The following PIK3R2 variants were observed in gnomAD, a reference collection of about 807,000 sequenced individuals.
PIK3R2 encodes the protein phosphoinositide-3-kinase regulatory subunit 2.
A neutral mutation model predicts 78.5 loss-of-function variants in PIK3R2; 40 were observed. That is an observed-to-expected ratio of 0.51 (90% CI 0.40 to 0.66). The LOEUF is 0.66. Among genes scored for constraint, PIK3R2 ranks in the 30% least tolerant of loss-of-function variants. PIK3R2 has a pLI of 0.00. For missense variants in PIK3R2, 880 were observed against 1,026.6 expected, an observed-to-expected ratio of 0.86 and a Z score of 1.95; for synonymous variants, 473 against 457.7, an observed-to-expected ratio of 1.03 and a Z score of -0.43.
In PIK3R2 at chr19:18,162,054, G is replaced by T. The variant is rs2043754504; in HGVS notation, c.901+3G>T. The stretch of plus-strand genomic sequence containing the variant: ...AGAGCAGGAGGTTGCGCCCCCAGGT[G>T]AGTCCCCTGTATTGCTGTCATTTCT... On this transcript the variant is annotated splice_donor_region_variant and intron_variant, in intron 7 of 15. Transcript: ENST00000222254. 1 of 1,613,068 alleles carries T rather than the reference G, an allele frequency of 6.2e-7. No homozygotes were observed. The highest frequency in any genetic ancestry group is 1.3e-5 in the African/African-American group (1 of 74,922).
chr19:18,155,196 CAA>C (rs34249019), intron 1 of PIK3R2, among the ~76,000 whole-genome samples: 7 of 109,298 alleles, frequency 6.4e-5, no homozygotes, highest in Admixed American at 3.0e-4. Context: ...GACTCTATCT[CAA>C]AAAAAAAAAA....
At chr19:18,162,763 G>A in intron 9 of PIK3R2, 1 of 605,068 alleles carries the variant, frequency 1.7e-6, no homozygotes, top group East Asian at 2.8e-5. Flanking sequence ...GGTGATGGAT[G>A]CCTGTAATCC....
Position 18,161,186 on chromosome 19 carries a change from G to A in PIK3R2, c.598+1G>A, listed in dbSNP as rs1269675188. On this transcript the variant is annotated splice_donor_variant, in intron 5 of 15. Coordinates refer to ENST00000222254, the MANE Select transcript of PIK3R2 (RefSeq NM_005027.4). LOFTEE classifies it high-confidence loss of function. The surrounding 1 kb of genome is among the most constrained non-coding windows in gnomAD (Gnocchi z 5.3). ...GCCGAGGCGCGCCGGGCCCTGCGGG[G>A]TGAGCCTGGCGGGTAGCCCGGGGGA... 6.5e-7 allele frequency: 1 copy of A among 1,545,418 alleles called. No homozygotes were observed. Among genetic ancestry groups the A allele is most frequent in the Non-Finnish European group, 8.7e-7 (1 of 1,145,174 alleles).
In PIK3R2 at chr19:18,156,034, A is replaced by G. The variant is rs2147945015; in HGVS notation, c.155A>G (p.Gln52Arg). 2 of 1,560,940 alleles carry G rather than the reference A, an allele frequency of 1.3e-6. No homozygotes were observed. The highest frequency in any genetic ancestry group is 1.7e-6 in the Non-Finnish European group (2 of 1,153,084). Residue 52 changes from glutamine (Q) to arginine (R), a missense_variant, in exon 2 of 16, where the codon CAG becomes CGG. By Grantham distance (43) the Gln-to-Arg change is conservative. Transcript: ENST00000222254. This position sits in a 1 kb window ranked among gnomAD's most constrained non-coding sequence, Gnocchi z 4.2. Reference sequence around the variant, plus strand: ...GCCGAGGGTGGCGAGCGCTGCCCACAGAGCGTGGGCTGGATGCCCGGCCTC... The same window carrying G: ...GCCGAGGGTGGCGAGCGCTGCCCACGGAGCGTGGGCTGGATGCCCGGCCTC... Reference protein sequence around the residue: ...GVAEGGERCPQSVGWMPGLNE... With the variant: ...GVAEGGERCPRSVGWMPGLNE...
At chr19:18,154,295 C>T (rs2043654674) in intron 1 of PIK3R2, among the ~76,000 whole-genome samples, 1 of 152,086 alleles carries the variant, frequency 6.6e-6, no homozygotes, top group Non-Finnish European at 1.5e-5. Flanking sequence ...TAATCAATGC[C>T]CTGCTGCCGG....
In PIK3R2 at chr19:18,162,232, C is replaced by T. The variant is rs546337739; in HGVS notation, c.932C>T (p.Pro311Leu). The change falls in exon 8 of 16, where the codon CCG becomes CTG. Residue 311 changes from proline (P) to leucine (L), a missense_variant. By Grantham distance (98) the Pro-to-Leu change is moderately conservative (BLOSUM62 -3). Around this residue, in one of 3 missense-constraint regions of PIK3R2, gnomAD observed 456 missense variants for 486.6 expected, o/e 0.94. Transcript: ENST00000222254. ...CCGCCTAAACCCCCCAAGGCAAAGC[C>T]GGCCTCCACAGTCCTGGCCAATGGA... Reference protein sequence around the residue: ...ALPPKPPKAKPASTVLANGGS... With the variant: ...ALPPKPPKAKLASTVLANGGS... The T allele has an allele frequency of 4.4e-6, 7 of 1,602,086 alleles. No homozygotes were observed. The African/African-American group carries it at 5.3e-5, about 12-fold the overall frequency.
chr19:18,168,504 A>G lies in PIK3R2; in HGVS notation c.1766A>G (p.Lys589Arg). ...CTCACCCAGAAAGGCGCCCGGCAGA[A>G]GAAAATCAACGAGTGGCTGGGGATT... Reference protein sequence around the residue: ...VWLTQKGARQKKINEWLGIKN... With the variant: ...VWLTQKGARQRKINEWLGIKN... Residue 589 changes from lysine to arginine, a missense_variant, in exon 14 of 16, where the codon AAG (lysine) becomes AGG (arginine). By Grantham distance (26) the Lys-to-Arg change is conservative. Around this residue, in one of 3 missense-constraint regions of PIK3R2, gnomAD observed 268 missense variants for 299.1 expected, o/e 0.90. Transcript: ENST00000222254. This position sits in a 1 kb window ranked among gnomAD's most constrained non-coding sequence, Gnocchi z 4.1. 2 of 781,154 alleles carry G rather than the reference A, an allele frequency of 2.6e-6. No homozygotes were observed. The highest frequency in any genetic ancestry group is 4.8e-6 in the Non-Finnish European group (2 of 418,426). The allele number at this position is 781,154 out of a possible 1,614,324, so 48.4% of individuals were successfully genotyped here.
intron 2 of PIK3R2, among the ~76,000 whole-genome samples, chr19:18,157,763 T>C (rs1297865510): frequency 6.8e-6 from 1 of 147,802 alleles, no homozygotes; most frequent in African/African-American, 2.5e-5. Context: ...GCGTTTTCGT[T>C]GCAGCTGGGC....
chr19:18,154,098 C>T (rs1282095539), intron 1 of PIK3R2, among the ~76,000 whole-genome samples: 1 of 152,162 alleles, frequency 6.6e-6, no homozygotes, highest in Non-Finnish European at 1.5e-5. Context: ...TAACCCACTG[C>T]CAAGGCTTTG....
In PIK3R2 at chr19:18,163,267, A is replaced by G. The variant is rs752548768; in HGVS notation, c.1295A>G (p.Gln432Arg). Residue 432 changes from glutamine (Q) to arginine (R), a missense_variant, in exon 11 of 16, where the codon CAG becomes CGG. Gln to Arg is a conservative substitution (Grantham distance 43, BLOSUM62 1). Around this residue, in one of 3 missense-constraint regions of PIK3R2, gnomAD observed 156 missense variants for 241.0 expected, o/e 0.65. Transcript: ENST00000222254. ...CATTCCGCCACGTATCTCCAGGACC[A>G]GATTGTCAAGGAGGACAGCGTGGAG... is the stretch of plus-strand genomic sequence containing the variant. ...LYPVSKYQQD[Q>R]IVKEDSVEAV... is the part of the protein sequence containing the mutation. 6.2e-7 allele frequency: 1 copy of G among 1,614,160 alleles called. No individual in the cohort carries two copies. Among genetic ancestry groups the G allele is most frequent in the Non-Finnish European group, 8.5e-7 (1 of 1,180,024 alleles).
Position 18,162,193 on chromosome 19 carries a change from G to C in PIK3R2, c.902-9G>C. 2.7e-6 allele frequency: 4 copies of C among 1,505,300 alleles called. No homozygotes were observed. The South Asian group carries it at 3.4e-5, about 13-fold the overall frequency. The allele number at this position is 1,505,300 out of a possible 1,614,324, so 93.2% of individuals were successfully genotyped here. A position where few individuals can be genotyped will look rare whatever the true frequency, so the allele number is the denominator to read the frequency against. ...GTGCTCAGGATGCATTTGTTTTCCT[G>C]TCCCCCAGCGCTGCCGCCTAAACCC... On this transcript the variant is annotated splice_polypyrimidine_tract_variant and intron_variant, in intron 7 of 15. Transcript: ENST00000222254.
At chr19:18,154,296 C>T (rs946558565) in intron 1 of PIK3R2, among the ~76,000 whole-genome samples, 1 of 152,136 alleles carries the variant, frequency 6.6e-6, no homozygotes, top group South Asian at 2.1e-4. Flanking sequence ...AATCAATGCC[C>T]TGCTGCCGGC....
chr19:18,165,345 A>G (rs2043798189), intron 11 of PIK3R2, among the ~76,000 whole-genome samples: 1 of 137,762 alleles, frequency 7.3e-6, no homozygotes, highest in Non-Finnish European at 1.5e-5. Context: ...ATCCTGGGAC[A>G]GAGTGAGACT....
At chr19:18,154,971 T>C (rs1402326399) in intron 1 of PIK3R2, among the ~76,000 whole-genome samples, 1 of 151,562 alleles carries the variant, frequency 6.6e-6, no homozygotes, top group South Asian at 2.1e-4. Context: ...CCCAGCACTT[T>C]GGGAGGCCAA....
chr19:18,162,336 A>C, intron 8 of PIK3R2, 26 bp downstream of exon 8: 1 of 1,591,542 alleles, frequency 6.3e-7, no homozygotes, highest in Non-Finnish European at 8.6e-7. Flanking sequence ...GGGGCCAGGG[A>C]CCAAGGAGGT....
Position 18,169,240 on chromosome 19 carries a change from C to A in PIK3R2, c.2133C>A (p.Thr711=), listed in dbSNP as rs908334954. Residue 711 remains threonine, a synonymous_variant, in exon 16 of 16, where the codon ACC becomes ACA. Coordinates refer to ENST00000222254, the MANE Select transcript of PIK3R2 (RefSeq NM_005027.4). ...LVQHNDALTV[T]LAHPVRAPGP... ...AGCACAACGACGCGCTCACCGTCAC[C>A]CTGGCGCACCCAGTGCGCGCCCCGG... 3.8e-6 allele frequency: 6 copies of A among 1,587,506 alleles called. No individual in the cohort carries two copies. The South Asian group carries it at 6.7e-5, about 18-fold the overall frequency.
In PIK3R2 at chr19:18,161,162, C is replaced by T; in HGVS notation, c.575C>T (p.Ala192Val). The T allele has an allele frequency of 1.3e-6, 2 of 1,547,684 alleles. No individual in the cohort carries two copies. The highest frequency in any genetic ancestry group is 1.2e-5 in the South Asian group (1 of 83,996). ...PAPLVTPEAS[A>V]EARRALREAA... ...CCGCTCGTGACCCCCGAGGCCTCGGCCGAGGCGCGCCGGGCCCTGCGGGGT... is the reference window on the plus strand; with the variant it reads ...CCGCTCGTGACCCCCGAGGCCTCGGTCGAGGCGCGCCGGGCCCTGCGGGGT... Residue 192 changes from alanine (A) to valine (V), a missense_variant, in exon 5 of 16, where the codon GCC becomes GTC. Coordinates refer to ENST00000222254, the MANE Select transcript of PIK3R2 (RefSeq NM_005027.4). The surrounding 1 kb of genome is among the most constrained non-coding windows in gnomAD (Gnocchi z 5.3).
At position 18,169,120 on chromosome 19, in the gene PIK3R2, C is replaced by T. The variant is rs1473136626; in HGVS notation, c.2013C>T (p.Tyr671=). 5 of 1,611,790 alleles carry T rather than the reference C, an allele frequency of 3.1e-6. No homozygotes were observed. The highest frequency in any genetic ancestry group is 1.3e-5 in the African/African-American group (1 of 74,914). ...VDGDTKHCVI[Y]RTATGFGFAE... ...GCGACACCAAGCACTGCGTCATCTA[C>T]CGCACGGCCACCGGCTTCGGCTTCG... Residue 671 remains tyrosine (Y), a synonymous_variant, in exon 16 of 16, where the codon TAC becomes TAT. Transcript: ENST00000222254.
chr19:18,166,431 C>T, intron 12 of PIK3R2, 129 bp downstream of exon 12: 1 of 763,030 alleles, frequency 1.3e-6, no homozygotes, highest in Non-Finnish European at 2.1e-6. Context: ...GGACTTTGGG[C>T]CTGGTGCGAT....
Sources: gnomAD v4.1 joint callset for allele counts (sites outside exome capture counted in the v4.1 genomes callset) on GRCh38, gnomAD v4.1.1 for gene constraint, gnomAD v4.1.1 regional missense constraint, Gnocchi (gnomAD v3.1) non-coding constraint, MANE v1.5 for transcripts, NCBI Gene and HGNC (gene_info 2026-07-23, HGNC 2026-07-21) for gene names.